The following ZMYM2 variants were observed in gnomAD, a reference collection of about 807,000 sequenced individuals.
ZMYM2 encodes zinc finger MYM-type containing 2.
A neutral mutation model predicts 162.8 loss-of-function variants in ZMYM2; 56 were observed. The observed-to-expected ratio is 0.34, with a 90% CI of 0.28 to 0.43. The LOEUF (loss-of-function observed/expected upper bound fraction) is 0.43. Ranked by LOEUF, ZMYM2 falls within the 20% of genes least tolerant of loss-of-function variation. ZMYM2 has a pLI of 1.00. For synonymous variants in ZMYM2, 510 were observed against 541.6 expected (o/e 0.94, Z 0.81); for missense variants, 1,275 against 1,621.8 (o/e 0.79, Z 3.67).
intron 6 of ZMYM2, among the ~76,000 whole-genome samples, chr13:20,012,437 C>T (rs1951280575): frequency 6.6e-6 from 1 of 152,180 alleles, no homozygotes; most frequent in Non-Finnish European, 1.5e-5. Context: ...TTCTCAGCCT[C>T]TCAAAGTGCT....
the ZMYM2 span, among the ~76,000 whole-genome samples, chr13:19,941,666 T>G: frequency 1.3e-5 from 2 of 151,712 alleles, no homozygotes; most frequent in East Asian, 3.9e-4. Context: ...ATGTTTTGAT[T>G]TACTTGTATA....
In ZMYM2 at chr13:20,082,774, A is replaced by G. The variant is rs764086936; in HGVS notation, c.3569-7A>G. ...TAATTCTTTTAAAATAGTTCTCTCT[A>G]TTTAAGGGTCAATATTCTCTCGAGT... On this transcript the variant is annotated splice_polypyrimidine_tract_variant and splice_region_variant and intron_variant, in intron 22 of 24. Transcript: ENST00000610343. 4.4e-6 allele frequency: 7 copies of G among 1,576,218 alleles called. No homozygotes were observed. Among genetic ancestry groups the G allele is most frequent in the East Asian group, 2.3e-5 (1 of 44,144 alleles).
the ZMYM2 span, among the ~76,000 whole-genome samples, chr13:19,879,888 C>T: frequency 1.3e-5 from 2 of 152,218 alleles, no homozygotes; most frequent in Non-Finnish European, 2.9e-5. Flanking sequence ...AGATTATCGG[C>T]CCTCACTAAT....
intron 2 of ZMYM2, among the ~76,000 whole-genome samples, chr13:19,992,582 AGGTAAG>A (rs1457167160): frequency 6.6e-6 from 1 of 152,024 alleles, no homozygotes; most frequent in Non-Finnish European, 1.5e-5. Context: ...AAAAAAGATG[AGGTAAG>A]GGAAAGGATT....
At chr13:20,059,291 T>G (rs911113418) in intron 15 of ZMYM2, among the ~76,000 whole-genome samples, 156 bp from the exon 16 acceptor site, 4 of 149,816 alleles carry the variant, frequency 2.7e-5, no homozygotes, top group Non-Finnish European at 5.9e-5. Flanking sequence ...TTTTTTGTCC[T>G]GTTCTTTTTA....
upstream of ZMYM2, among the ~76,000 whole-genome samples, chr13:19,954,067 T>C (rs991915057): frequency 2.7e-4 from 41 of 150,132 alleles, no homozygotes; most frequent in Middle Eastern, 3.5e-3. Context: ...GTGGTTGTCA[T>C]GGTCAAAAAA....
chr13:19,920,736 GTGTATGTATGTA>G, the ZMYM2 span, among the ~76,000 whole-genome samples: 59,711 of 149,780 alleles, frequency 0.4, 12,051 homozygotes, highest in African/African-American at 0.43. Flanking sequence ...TCATTTATGT[GTGTATGTATGTA>G]TGTATGTATG....
intron 10 of ZMYM2, among the ~76,000 whole-genome samples, chr13:20,032,595 C>CTTTTTTTT (rs1566350627): frequency 1.0e-5 from 1 of 96,380 alleles, no homozygotes; most frequent in Non-Finnish European, 2.2e-5. Flanking sequence ...GATTTTTTTT[C>CTTTTTTTT]TGTCTTTTTT....
intron 12 of ZMYM2, among the ~76,000 whole-genome samples, chr13:20,045,845 A>C (rs1354874307): frequency 6.6e-6 from 1 of 152,080 alleles, no homozygotes; most frequent in Admixed American, 6.5e-5. Context: ...ATATTGTATA[A>C]TAATCTTTCT....
intron 2 of ZMYM2, among the ~76,000 whole-genome samples, chr13:19,980,317 C>G (rs572590446): frequency 6.6e-6 from 1 of 152,116 alleles, no homozygotes; most frequent in Non-Finnish European, 1.5e-5. Flanking sequence ...TCATTGTATA[C>G]TAAATTCCTT....
intron 7 of ZMYM2, among the ~76,000 whole-genome samples, chr13:20,020,980 C>CTT (rs370623313): frequency 1.1e-4 from 16 of 143,632 alleles, no homozygotes; most frequent in Admixed American, 1.4e-4. Context: ...CTACTGTTTA[C>CTT]TTTTTTTTTT....
the ZMYM2 span, among the ~76,000 whole-genome samples, chr13:19,867,350 C>CAA: frequency 1.4e-3 from 140 of 101,540 alleles, no homozygotes; most frequent in African/African-American, 2.2e-3. Flanking sequence ...AACTCCATCT[C>CAA]AAAAAAAAAA....
intron 17 of ZMYM2, 131 bp downstream of exon 17, chr13:20,061,355 A>G (rs1956218666): frequency 1.2e-6 from 1 of 854,632 alleles, no homozygotes; most frequent in Non-Finnish European, 1.6e-6. Flanking sequence ...TTGTAACAAA[A>G]ATGTTTTTTA....
the ZMYM2 span, among the ~76,000 whole-genome samples, chr13:19,930,995 C>T: frequency 6.6e-6 from 1 of 151,276 alleles, no homozygotes; most frequent in African/African-American, 2.4e-5. Flanking sequence ...AAAAATTAGC[C>T]AGGCGCGGTG....
intron 6 of ZMYM2, among the ~76,000 whole-genome samples, chr13:20,018,218 T>A (rs1424137491): frequency 2.0e-5 from 3 of 152,174 alleles, no homozygotes; most frequent in Non-Finnish European, 2.9e-5. Context: ...ATAGAGAAAA[T>A]GTTCTTAGTA....
intron 2 of ZMYM2, among the ~76,000 whole-genome samples, chr13:19,968,256 T>G (rs1376199415): frequency 6.6e-6 from 1 of 152,160 alleles, no homozygotes; most frequent in Admixed American, 6.5e-5. Flanking sequence ...ACTTTCCTTT[T>G]TTTGAGCCAG....
intron 2 of ZMYM2, among the ~76,000 whole-genome samples, chr13:19,971,292 T>C (rs1248286315): frequency 1.5e-5 from 2 of 133,978 alleles, no homozygotes; most frequent in African/African-American, 5.7e-5. Flanking sequence ...TTCCTTGAGA[T>C]GGAGTTTCAC....
intron 11 of ZMYM2, 141 bp downstream of exon 11, chr13:20,034,545 G>T: frequency 2.7e-6 from 2 of 744,898 alleles, no homozygotes; most frequent in Non-Finnish European, 1.9e-6. Flanking sequence ...GACTTGTTTC[G>T]TTATTTTATA....
At chr13:19,975,340 T>A (rs2139365756) in intron 2 of ZMYM2, among the ~76,000 whole-genome samples, 1 of 152,334 alleles carries the variant, frequency 6.6e-6, no homozygotes, top group African/African-American at 2.4e-5. Context: ...TCATTAGCAT[T>A]CCTTGTCTCC....
Sources: gnomAD v4.1 joint callset for allele counts (sites outside exome capture counted in the v4.1 genomes callset) on GRCh38, gnomAD v4.1.1 for gene constraint, MANE v1.5 for transcripts, NCBI Gene and HGNC (gene_info 2026-07-23, HGNC 2026-07-21) for gene names.